MAPK10: variants seen among roughly 807,000 people sequenced by gnomAD.
The protein encoded by MAPK10 is JNK3 alpha protein kinase.
Under a neutral mutation model 59.3 loss-of-function variants are expected in MAPK10, and 25 were observed. That is an observed-to-expected ratio of 0.42 (90% CI 0.31 to 0.59). The LOEUF (loss-of-function observed/expected upper bound fraction) is 0.59. MAPK10 is among the 20% of genes least tolerant of loss of function. The pLI, the probability that MAPK10 is intolerant of heterozygous loss-of-function variation, is 0.15. For synonymous variants in MAPK10, 190 were observed against 200.5 expected (o/e 0.95, Z 0.44); for missense variants, 351 against 568.9 (o/e 0.62, Z 3.90).
At chr4:86,135,199 C>G (rs779789226) in intron 4 of MAPK10, among the ~76,000 whole-genome samples, 28 of 152,254 alleles carry the variant, frequency 1.8e-4, no homozygotes, top group Admixed American at 3.3e-4. Flanking sequence ...TCAAGGAGGC[C>G]TGCCTGCCTC....
intron 2 of MAPK10, among the ~76,000 whole-genome samples, chr4:86,206,225 G>A (rs1038421256): frequency 1.7e-4 from 26 of 151,352 alleles, no homozygotes; most frequent in African/African-American, 5.9e-4. Flanking sequence ...TCCCCAGAGT[G>A]TGATGTTCCC....
intron 1 of MAPK10, among the ~76,000 whole-genome samples, chr4:86,440,525 G>C (rs988474811): frequency 6.6e-6 from 1 of 151,932 alleles, no homozygotes; most frequent in African/African-American, 2.4e-5. Context: ...CAGCTACTTA[G>C]GAGGCTGAGG....
At chr4:86,267,430 TTGG>T (rs2094288656) in intron 2 of MAPK10, among the ~76,000 whole-genome samples, 1 of 152,170 alleles carries the variant, frequency 6.6e-6, no homozygotes, top group Non-Finnish European at 1.5e-5. Context: ...GATCAGCCAC[TTGG>T]AGGTCTAGAA....
At chr4:86,428,732 T>C (rs1223569743) in intron 1 of MAPK10, among the ~76,000 whole-genome samples, 1 of 152,212 alleles carries the variant, frequency 6.6e-6, no homozygotes. Context: ...GGAATTACAT[T>C]CTTATTAACA....
intron 1 of MAPK10, among the ~76,000 whole-genome samples, chr4:86,548,478 C>T (rs1194886430): frequency 6.6e-6 from 1 of 152,094 alleles, no homozygotes; most frequent in African/African-American, 2.4e-5. Context: ...GATCTCTGTC[C>T]CCACTAAATT....
chr4:86,172,522 A>G (rs2074509083), intron 3 of MAPK10, among the ~76,000 whole-genome samples: 1 of 151,158 alleles, frequency 6.6e-6, no homozygotes, highest in Non-Finnish European at 1.5e-5. Context: ...GGAATTGAAC[A>G]ATGAGAACAC....
At chr4:86,575,179 T>C (rs1360063290) in intron 1 of MAPK10, among the ~76,000 whole-genome samples, 1 of 152,176 alleles carries the variant, frequency 6.6e-6, no homozygotes. Flanking sequence ...TAGACTAAGA[T>C]TCGCACTGAT....
chr4:86,228,317 A>G (rs1468915794), intron 2 of MAPK10, among the ~76,000 whole-genome samples: 2 of 152,202 alleles, frequency 1.3e-5, no homozygotes, highest in Admixed American at 6.5e-5. Flanking sequence ...TCTAGGAATT[A>G]GCTAGCTCTG....
At chr4:86,397,230 G>T (rs1579060582) in intron 1 of MAPK10, among the ~76,000 whole-genome samples, 1 of 152,168 alleles carries the variant, frequency 6.6e-6, no homozygotes, top group Admixed American at 6.5e-5. Flanking sequence ...GAAGCACCCT[G>T]TGTGGTTGGT....
intron 2 of MAPK10, among the ~76,000 whole-genome samples, chr4:86,316,772 G>A (rs1390281354): frequency 3.9e-5 from 6 of 152,102 alleles, no homozygotes; most frequent in East Asian, 1.9e-4. Flanking sequence ...CACAGGTATC[G>A]TAGATGCATG....
chr4:86,390,191 TA>T (rs1742013441), intron 1 of MAPK10, among the ~76,000 whole-genome samples: 1 of 152,248 alleles, frequency 6.6e-6, no homozygotes, highest in African/African-American at 2.4e-5. Context: ...TTAGGTATTA[TA>T]TTGATTCTTT....
At chr4:86,218,017 T>C (rs1465717087) in intron 2 of MAPK10, among the ~76,000 whole-genome samples, 2 of 152,112 alleles carry the variant, frequency 1.3e-5, no homozygotes, top group African/African-American at 4.8e-5. Context: ...AAAGAAAGTT[T>C]ATTCCAATTA....
chr4:86,559,282 CAA>C (rs57481479), intron 1 of MAPK10, among the ~76,000 whole-genome samples: 2 of 135,684 alleles, frequency 1.5e-5, no homozygotes. Context: ...GCTATCTTTC[CAA>C]AAAAAAAAAA....
chr4:86,295,710 T>C (rs1476117217), intron 2 of MAPK10, among the ~76,000 whole-genome samples: 1 of 148,278 alleles, frequency 6.7e-6, no homozygotes, highest in Admixed American at 6.8e-5. Flanking sequence ...GTTTCATATA[T>C]GTCTTTATAT....
At position 86,263,915 on chromosome 4, in the gene MAPK10, AT is replaced by A. The variant is rs1346870178; in HGVS notation, c.-6-69509del. 3.9e-5 allele frequency among the ~76,000 whole-genome samples: 6 copies of A among 152,222 alleles called. No homozygotes were observed. In the East Asian group the frequency reaches 1.2e-3, roughly 29 times the overall value. On this transcript the variant is annotated intron_variant, in intron 2 of 13. Transcript: ENST00000641462. ...ACTAAGGAATCATTTCCAAAGGTCCATTCAGCTAAATAGAGAGGCATTAAAA... is the reference window on the plus strand; with the variant it reads ...ACTAAGGAATCATTTCCAAAGGTCCATCAGCTAAATAGAGAGGCATTAAAA...
chr4:86,217,179 TA>T (rs1192642946), intron 2 of MAPK10, among the ~76,000 whole-genome samples: 2 of 152,160 alleles, frequency 1.3e-5, no homozygotes, highest in African/African-American at 2.4e-5. Flanking sequence ...TGAAACATCT[TA>T]AAAATTGCCT....
chr4:86,043,655 T>C (rs552747765), intron 11 of MAPK10, among the ~76,000 whole-genome samples: 49 of 152,232 alleles, frequency 3.2e-4, no homozygotes, highest in African/African-American at 7.9e-4. Context: ...AACTGAAACA[T>C]AGGACACACA....
chr4:86,137,026 T>G (rs1489503514), intron 4 of MAPK10, among the ~76,000 whole-genome samples: 1 of 151,692 alleles, frequency 6.6e-6, no homozygotes, highest in Non-Finnish European at 1.5e-5. Context: ...AGCACCCAGA[T>G]TCATAAAGCA....
intron 9 of MAPK10, among the ~76,000 whole-genome samples, chr4:86,093,729 T>A (rs2149055787): frequency 6.6e-6 from 1 of 152,020 alleles, no homozygotes; most frequent in African/African-American, 2.4e-5. Context: ...CTATTAAACT[T>A]GCTTTTATTT....
Sources: gnomAD v4.1 joint callset for allele counts (sites outside exome capture counted in the v4.1 genomes callset) on GRCh38, gnomAD v4.1.1 for gene constraint, MANE v1.5 for transcripts, NCBI Gene and HGNC (gene_info 2026-07-23, HGNC 2026-07-21) for gene names.